The following PDE9A variants were observed in gnomAD, a reference collection of about 807,000 sequenced individuals.
PDE9A encodes high affinity cGMP-specific 3',5'-cyclic phosphodiesterase 9A.
Under a neutral mutation model 87.4 loss-of-function variants are expected in PDE9A, and 60 were observed. The observed-to-expected ratio is 0.69, with a 90% CI of 0.56 to 0.85. The LOEUF (loss-of-function observed/expected upper bound fraction) is 0.85, where lower values mean the gene tolerates loss of function less well. PDE9A is among the 40% of genes least tolerant of loss of function. PDE9A has a pLI of 0.00. For missense variants in PDE9A, 665 were observed against 779.0 expected (o/e 0.85, Z 1.74); for synonymous variants, 272 against 279.4 (o/e 0.97, Z 0.27).
At position 42,770,786 on chromosome 21, in the gene PDE9A, C is replaced by T. The variant is rs138550222; in HGVS notation, c.1674C>T (p.Asp558=). 28 of 1,613,206 alleles carry T rather than the reference C, an allele frequency of 1.7e-5. No homozygotes were observed. Among genetic ancestry groups the T allele is most frequent in the African/African-American group, 1.3e-4 (10 of 74,898 alleles). ...DRYEELKRID[D]AMKELQKKTD... ...ACGAGGAGCTGAAGCGGATAGATGA[C>T]GCCATGAAAGAGGTAAAACACACTG... Residue 558 remains aspartate (D), a synonymous_variant, in exon 18 of 20, where the codon GAC becomes GAT. Transcript: ENST00000291539.
At position 42,759,529 on chromosome 21, in the gene PDE9A, C is replaced by T. The variant is rs1287425430; in HGVS notation, c.897+444C>T. 4.5e-5 allele frequency among the ~76,000 whole-genome samples: 6 copies of T among 134,014 alleles called. No individual in the cohort carries two copies. Among genetic ancestry groups the T allele is most frequent in the Non-Finnish European group, 6.4e-5 (4 of 62,202 alleles). The allele number at this position is 134,014 out of a possible 152,430, so 87.9% of individuals were successfully genotyped here. Reference sequence around the variant, plus strand: ...GTGTGTGGATGTAAATGTGTGGGAGCGTGTGTGTGTGTGAGTGTGGGGTGT... The same window carrying T: ...GTGTGTGGATGTAAATGTGTGGGAGTGTGTGTGTGTGTGAGTGTGGGGTGT... On this transcript the variant is annotated intron_variant, in intron 11 of 19. Transcript: ENST00000291539. This position sits in a 1 kb window ranked among gnomAD's most constrained non-coding sequence, Gnocchi z 7.2.
At position 42,704,286 on chromosome 21, in the gene PDE9A, C is replaced by T. The variant is rs1305220633; in HGVS notation, c.262+5275C>T. Among the ~76,000 whole-genome samples, 1 of 152,160 alleles carries T rather than the reference C, an allele frequency of 6.6e-6. No homozygotes were observed. The highest frequency in any genetic ancestry group is 1.5e-5 in the Non-Finnish European group (1 of 68,020). ...TTCCTAGCAGCGACAACCCCTCCCA[C>T]ATCTCCATAGTCACATCCTGGCTGG... On this transcript the variant is annotated intron_variant, in intron 4 of 19. Transcript: ENST00000291539. This position sits in a 1 kb window ranked among gnomAD's most constrained non-coding sequence, Gnocchi z 5.3.
At chr21:42,703,844 G>A (rs546364280) in intron 4 of PDE9A, among the ~76,000 whole-genome samples, 163 of 152,346 alleles carry the variant, frequency 1.1e-3, no homozygotes, top group African/African-American at 3.8e-3. Flanking sequence ...AAACACAAAG[G>A]CTCACATTAA....
intron 8 of PDE9A, 96 bp from the exon 9 acceptor site, chr21:42,751,020 C>T: frequency 1.2e-6 from 1 of 829,784 alleles, no homozygotes; most frequent in Non-Finnish European, 2.1e-6. Context: ...CCACACGGGG[C>T]TTGGGGGTTG....
intron 1 of PDE9A, among the ~76,000 whole-genome samples, chr21:42,663,453 A>C (rs1299104907): frequency 6.6e-6 from 1 of 152,202 alleles, no homozygotes; most frequent in Non-Finnish European, 1.5e-5. Flanking sequence ...GGCAGAAGGC[A>C]CCCGTCTTCG....
intron 14 of PDE9A, 78 bp from the exon 15 acceptor site, chr21:42,765,303 G>T: frequency 1.4e-5 from 10 of 730,742 alleles, no homozygotes; most frequent in Non-Finnish European, 2.1e-5. Context: ...TGTGCAGGGG[G>T]CTCAGTACAC....
chr21:42,665,137 C>CA (rs773949561), intron 1 of PDE9A, among the ~76,000 whole-genome samples: 1 of 152,212 alleles, frequency 6.6e-6, no homozygotes, highest in Non-Finnish European at 1.5e-5. Context: ...AAGACAGACT[C>CA]AGAGACCAGA....
At chr21:42,713,232 T>TCAAGTGATTCTCCTGCCTC (rs922302440) in intron 4 of PDE9A, among the ~76,000 whole-genome samples, 1 of 152,204 alleles carries the variant, frequency 6.6e-6, no homozygotes, top group Admixed American at 6.5e-5. Flanking sequence ...CCTCCAGGCT[T>TCAAGTGATTCTCCTGCCTC]CAAGTGATTC....
rs1404405887 is a variant in PDE9A at position 42,707,302 on chromosome 21, G to A, written c.262+8291G>A. 2.6e-5 allele frequency among the ~76,000 whole-genome samples: 4 copies of A among 152,140 alleles called. No homozygotes were observed. In the East Asian group the frequency reaches 7.7e-4, roughly 29 times the overall value. On this transcript the variant is annotated intron_variant, in intron 4 of 19. Transcript: ENST00000291539. ...CTGTCCAGGAGGTCCCTGCAGCCTG[G>A]GTGGGAGGTCCCTTACCCACTAATG... is the stretch of plus-strand genomic sequence containing the variant.
intron 1 of PDE9A, among the ~76,000 whole-genome samples, chr21:42,662,836 CCA>C (rs909901125): frequency 2.3e-5 from 3 of 130,558 alleles, no homozygotes; most frequent in African/African-American, 6.2e-5. Context: ...CACACACCCA[CCA>C]CACACCACAC....
intron 7 of PDE9A, among the ~76,000 whole-genome samples, chr21:42,740,541 C>T (rs539349728): frequency 2.7e-5 from 4 of 150,220 alleles, no homozygotes; most frequent in African/African-American, 9.8e-5. Context: ...ATAAATAGAA[C>T]ATAGGTAGAT....
chr21:42,733,376 T>G lies in PDE9A; in HGVS notation c.518T>G (p.Leu173Arg). 6.3e-7 allele frequency: 1 copy of G among 1,597,232 alleles called. No homozygotes were observed. Among genetic ancestry groups the G allele is most frequent in the African/African-American group, 1.3e-5 (1 of 74,744 alleles). ...CCTAGAGCATTCAAAATCAATGAAC[T>G]GAAAGCTGAAGTTGCAAATCACTTG... Reference protein sequence around the residue: ...QFSRAFKINELKAEVANHLAV... With the variant: ...QFSRAFKINERKAEVANHLAV... Residue 173 changes from leucine (L) to arginine (R), a missense_variant, in exon 7 of 20, where the codon CTG (leucine) becomes CGG (arginine). Physicochemically the swap from Leu to Arg is moderately radical, Grantham distance 102. Coordinates refer to ENST00000291539, the MANE Select transcript of PDE9A (RefSeq NM_002606.3).
chr21:42,760,887 C>T lies in PDE9A; in HGVS notation c.1065C>T (p.Asp355=). 6.2e-7 allele frequency: 1 copy of T among 1,610,216 alleles called. No homozygotes were observed. The highest frequency in any genetic ancestry group is 8.5e-7 in the Non-Finnish European group (1 of 1,176,366). Residue 355 remains aspartate (D), a synonymous_variant, in exon 13 of 20, where the codon GAC becomes GAT. Coordinates refer to ENST00000291539, the MANE Select transcript of PDE9A (RefSeq NM_002606.3). The surrounding 1 kb of genome is among the most constrained non-coding windows in gnomAD (Gnocchi z 5.2). The part of the protein sequence containing the change: ...LMTAAICHDL[D]HPGYNNTYQI... ...CAGCGGCCATCTGCCACGATCTGGA[C>T]CATCCCGGCTACAACAACACGTATG...
At chr21:42,671,873 T>C (rs1197144917) in intron 1 of PDE9A, among the ~76,000 whole-genome samples, 2 of 152,184 alleles carry the variant, frequency 1.3e-5, no homozygotes, top group African/African-American at 2.4e-5. Context: ...AATGTGTGAA[T>C]CTGCTAGTGG....
chr21:42,720,409 G>A (rs568755484), intron 4 of PDE9A, among the ~76,000 whole-genome samples: 55 of 152,184 alleles, frequency 3.6e-4, no homozygotes, highest in African/African-American at 1.3e-3. Context: ...CAGGAGAATC[G>A]CTTGAACCTG....
At chr21:42,774,090 AAATAAATAAGTAAAT>A (rs1340458760) in intron 19 of PDE9A, among the ~76,000 whole-genome samples, 1 of 152,160 alleles carries the variant, frequency 6.6e-6, no homozygotes, top group Admixed American at 6.5e-5. Flanking sequence ...AAAAAAATAT[AAATAAATAAGTAAAT>A]AATAAATAAG....
chr21:42,768,110 G>A (rs908673561), intron 15 of PDE9A, 78 bp from the exon 16 acceptor site: 25 of 872,062 alleles, frequency 2.9e-5, no homozygotes, highest in Middle Eastern at 2.2e-4. Flanking sequence ...GCCTGTAATG[G>A]CAAGTCCAGA....
chr21:42,699,433 C>T (rs988966452), intron 4 of PDE9A, among the ~76,000 whole-genome samples: 3 of 152,242 alleles, frequency 2.0e-5, no homozygotes, highest in African/African-American at 7.2e-5. Context: ...TCTTCCTGGC[C>T]CAGCACCTGT....
rs574623211 is a variant in PDE9A at position 42,696,864 on chromosome 21, G to A, written c.219-2104G>A. The stretch of plus-strand genomic sequence containing the variant: ...CAGGGGCTAGAGGGGCCCTAGTCCC[G>A]ATGACGACCGAGTGCCCTCTCCACC... On this transcript the variant is annotated intron_variant, in intron 3 of 19. Transcript: ENST00000291539. The surrounding 1 kb of genome is among the most constrained non-coding windows in gnomAD (Gnocchi z 5.1). Among the ~76,000 whole-genome samples, 4 of 152,230 alleles carry A rather than the reference G, an allele frequency of 2.6e-5. No homozygotes were observed. In the South Asian group the frequency reaches 6.2e-4, roughly 24 times the overall value.
Sources: gnomAD v4.1 joint callset for allele counts (sites outside exome capture counted in the v4.1 genomes callset) on GRCh38, gnomAD v4.1.1 for gene constraint, Gnocchi (gnomAD v3.1) non-coding constraint, MANE v1.5 for transcripts, NCBI Gene and HGNC (gene_info 2026-07-23, HGNC 2026-07-21) for gene names.